Variants in C12orf42 observed in about 807,000 individuals in gnomAD.
C12orf42 encodes the protein chromosome 12 open reading frame 42, also known as uncharacterized protein C12orf42.
A neutral mutation model predicts 21.6 loss-of-function variants in C12orf42; 25 were observed. That is an observed-to-expected ratio of 1.16 (90% confidence interval 0.84 to 1.62). The LOEUF (loss-of-function observed/expected upper bound fraction) is 1.62. C12orf42 is among the 40% of genes most tolerant of loss of function. The pLI is 0.00. For synonymous variants in C12orf42, 174 were observed against 175.0 expected, an observed-to-expected ratio of 0.99 and a Z score of 0.05; for missense variants, 483 against 459.3, an observed-to-expected ratio of 1.05 and a Z score of -0.47.
intron 2 of C12orf42, among the ~76,000 whole-genome samples, chr12:103,402,385 T>C (rs994333789): frequency 1.3e-5 from 2 of 152,210 alleles, no homozygotes; most frequent in Admixed American, 1.3e-4. Context: ...AATATCAGGA[T>C]TTGTTTTCAG....
intron 3 of C12orf42, among the ~76,000 whole-genome samples, chr12:103,380,879 G>C (rs2046105409): frequency 6.6e-6 from 1 of 152,252 alleles, no homozygotes; most frequent in South Asian, 2.1e-4. Flanking sequence ...TGTGGAAAAT[G>C]AGTGACAGAG....
At chr12:103,336,102 A>G (rs1360848613) in intron 4 of C12orf42, among the ~76,000 whole-genome samples, 1 of 152,206 alleles carries the variant, frequency 6.6e-6, no homozygotes, top group East Asian at 1.9e-4. Flanking sequence ...CTTGAATATT[A>G]TATGAGACTA....
At chr12:103,451,068 C>G (rs1024198891) in intron 2 of C12orf42, among the ~76,000 whole-genome samples, 1 of 152,060 alleles carries the variant, frequency 6.6e-6, no homozygotes, top group Non-Finnish European at 1.5e-5. Flanking sequence ...TTGGGTGTGT[C>G]AGACTGCTGT....
At chr12:103,298,940 A>G (rs1168164749), downstream of C12orf42, among the ~76,000 whole-genome samples, 1 of 152,208 alleles carries the variant, frequency 6.6e-6, no homozygotes, top group African/African-American at 2.4e-5. Context: ...AAGAGTTCAA[A>G]CATATGCTAT....
At chr12:103,179,175 T>G in the C12orf42 span, among the ~76,000 whole-genome samples, 3 of 152,340 alleles carry the variant, frequency 2.0e-5, no homozygotes, top group African/African-American at 7.2e-5. Flanking sequence ...AACATTTTTA[T>G]TGAACATCTG....
chr12:103,505,584 G>A, the C12orf42 span: 1 of 333,822 alleles, frequency 3.0e-6, no homozygotes, highest in Non-Finnish European at 5.6e-6. Context: ...GGGACATGGT[G>A]GTCTAGCCCA....
At chr12:103,129,196 A>G in the C12orf42 span, among the ~76,000 whole-genome samples, 1 of 152,200 alleles carries the variant, frequency 6.6e-6, no homozygotes, top group Non-Finnish European at 1.5e-5. Flanking sequence ...GGGTAGAAAC[A>G]CGGAGAGAGA....
chr12:103,065,638 C>T, the C12orf42 span, among the ~76,000 whole-genome samples: 1 of 152,180 alleles, frequency 6.6e-6, no homozygotes. Flanking sequence ...GTTTGTGTGC[C>T]AGAGGATGGG....
intron 2 of C12orf42, among the ~76,000 whole-genome samples, chr12:103,420,864 T>C (rs2049831137): frequency 6.6e-6 from 1 of 152,344 alleles, no homozygotes; most frequent in African/African-American, 2.4e-5. Flanking sequence ...GACACGACCA[T>C]TGGATTATTT....
intron 4 of C12orf42, among the ~76,000 whole-genome samples, chr12:103,353,044 T>C (rs761158573): frequency 6.6e-6 from 1 of 152,158 alleles, no homozygotes. Context: ...TAAATGCCTT[T>C]CATTTAGCCT....
the C12orf42 span, among the ~76,000 whole-genome samples, chr12:103,052,713 TTAAAA>T: frequency 6.6e-6 from 1 of 152,082 alleles, no homozygotes; most frequent in Non-Finnish European, 1.5e-5. Flanking sequence ...TATATCCTAT[TTAAAA>T]TGTTTGTGTA....
At chr12:103,360,000 G>A (rs2043942797) in intron 4 of C12orf42, among the ~76,000 whole-genome samples, 1 of 151,112 alleles carries the variant, frequency 6.6e-6, no homozygotes, top group Admixed American at 6.6e-5. Context: ...TTCCCTTACT[G>A]CCATATCCAT....
chr12:103,415,845 A>C (rs2049270722), intron 2 of C12orf42, among the ~76,000 whole-genome samples: 1 of 152,164 alleles, frequency 6.6e-6, no homozygotes. Flanking sequence ...GAATTGCTTG[A>C]TGGTGTTTTC....
At chr12:103,551,148 C>T in the C12orf42 span, among the ~76,000 whole-genome samples, 2 of 151,782 alleles carry the variant, frequency 1.3e-5, no homozygotes, top group East Asian at 3.9e-4. Context: ...GAAATCAATC[C>T]CTTGCTTGTT....
chr12:103,186,142 A>G, the C12orf42 span, among the ~76,000 whole-genome samples: 1,637 of 152,304 alleles, frequency 0.011, 26 homozygotes, highest in African/African-American at 0.037. Context: ...TATAGTTACC[A>G]TCTCTTGACA....
intron 1 of C12orf42, among the ~76,000 whole-genome samples, chr12:103,485,251 G>T (rs538473974): frequency 2.3e-3 from 353 of 152,192 alleles, no homozygotes; most frequent in African/African-American, 7.9e-3. Flanking sequence ...TTTCTTGTTT[G>T]TGTCAGGTTT....
At chr12:103,287,182 G>T (rs1453401943) in intron 4 of C12orf42, among the ~76,000 whole-genome samples, 1 of 152,208 alleles carries the variant, frequency 6.6e-6, no homozygotes, top group Non-Finnish European at 1.5e-5. Flanking sequence ...AGTACCATTT[G>T]ACCCAGCCAT....
intron 2 of C12orf42, among the ~76,000 whole-genome samples, chr12:103,453,756 A>T (rs1952105383): frequency 6.6e-6 from 1 of 151,896 alleles, no homozygotes; most frequent in Non-Finnish European, 1.5e-5. Flanking sequence ...ATATTGAGTG[A>T]CTTTTGATTT....
intron 3 of C12orf42, among the ~76,000 whole-genome samples, chr12:103,372,071 C>T (rs75192158): frequency 0.023 from 3,475 of 152,162 alleles, 106 homozygotes; most frequent in African/African-American, 0.066. Context: ...GAAGATCACC[C>T]TGGCCTCCAC....
Sources: gnomAD v4.1 joint callset for allele counts (sites outside exome capture counted in the v4.1 genomes callset) on GRCh38, gnomAD v4.1.1 for gene constraint, MANE v1.5 for transcripts, NCBI Gene and HGNC (gene_info 2026-07-23, HGNC 2026-07-21) for gene names.